Variants in NRXN3 observed in about 807,000 individuals in gnomAD.
NRXN3 encodes the protein neurexin 3.
NRXN3 carries 32 observed loss-of-function variants against 137.6 expected under a neutral mutation model. The ratio of observed to expected loss-of-function variants is 0.23; its 90% CI spans 0.18 to 0.31. The LOEUF is 0.31. NRXN3 is among the 10% of genes least tolerant of loss of function. The pLI is 1.00. For synonymous variants in NRXN3, 798 were observed against 784.5 expected, an observed-to-expected ratio of 1.02 and a Z score of -0.29; for missense variants, 1,574 against 2,062.5, an observed-to-expected ratio of 0.76 and a Z score of 4.59.
intron 4 of NRXN3, among the ~76,000 whole-genome samples, chr14:78,573,964 A>G (rs886100861): frequency 1.3e-5 from 2 of 152,238 alleles, no homozygotes; most frequent in Admixed American, 1.3e-4. Flanking sequence ...GATTGGGCCC[A>G]GGGCCTTGCT....
At chr14:78,725,052 A>T (rs1482174609) in intron 8 of NRXN3, among the ~76,000 whole-genome samples, 1 of 152,194 alleles carries the variant, frequency 6.6e-6, no homozygotes, top group Non-Finnish European at 1.5e-5. Context: ...AGACACTCTT[A>T]TCAAAATGAC....
chr14:79,226,007 C>G (rs903427098), intron 15 of NRXN3, among the ~76,000 whole-genome samples: 3 of 152,120 alleles, frequency 2.0e-5, no homozygotes. Flanking sequence ...TCCCTTTCTT[C>G]AGGTTGGCTG....
rs947314187 is a variant in NRXN3 at position 79,507,765 on chromosome 14, T to A, written c.3444+40363T>A. On this transcript the variant is annotated intron_variant, in intron 16 of 20. Coordinates refer to ENST00000335750, the MANE Select transcript of NRXN3 (RefSeq NM_001330195.2). ...TATAGATGAGATCTTTCTTTTGGGA[T>A]AAAGAGCTATTCTCAACTTGACTAT... Among the ~76,000 whole-genome samples, 65 of 152,190 alleles carry A rather than the reference T, an allele frequency of 4.3e-4. 1 individual carries two copies. The highest frequency in any genetic ancestry group is 1.3e-4 in the Non-Finnish European group (9 of 68,034).
intron 15 of NRXN3, among the ~76,000 whole-genome samples, chr14:79,112,337 G>A (rs962124744): frequency 7.2e-5 from 11 of 152,206 alleles, no homozygotes; most frequent in African/African-American, 2.4e-4. Flanking sequence ...GGAGTGGACT[G>A]CTGAGAGAAG....
At chr14:78,822,008 T>C (rs2098952241) in intron 10 of NRXN3, among the ~76,000 whole-genome samples, 1 of 152,172 alleles carries the variant, frequency 6.6e-6, no homozygotes. Context: ...ACATATCTGA[T>C]AGAAAACACA....
chr14:79,027,566 C>T (rs566078806), intron 15 of NRXN3, among the ~76,000 whole-genome samples: 175 of 152,170 alleles, frequency 1.2e-3, no homozygotes, highest in African/African-American at 4.0e-3. Context: ...AGTTAGCTGT[C>T]GCTTGCCTGA....
At chr14:79,168,845 T>G (rs2061521693) in intron 15 of NRXN3, among the ~76,000 whole-genome samples, 2 of 152,112 alleles carry the variant, frequency 1.3e-5, no homozygotes, top group Admixed American at 1.3e-4. Context: ...CCTAAATTTA[T>G]AGTATGTGGT....
chr14:79,225,799 C>A (rs912793576), intron 15 of NRXN3, among the ~76,000 whole-genome samples: 2 of 152,064 alleles, frequency 1.3e-5, no homozygotes, highest in Non-Finnish European at 2.9e-5. Flanking sequence ...AATTTAATTT[C>A]TTGTGGTTGA....
intron 15 of NRXN3, among the ~76,000 whole-genome samples, chr14:79,057,579 G>A (rs2099667456): frequency 6.6e-6 from 1 of 152,184 alleles, no homozygotes. Context: ...ATTTTAGAAT[G>A]AGCTATAGCA....
At chr14:78,583,496 T>C (rs1377430873) in intron 4 of NRXN3, among the ~76,000 whole-genome samples, 1 of 151,838 alleles carries the variant, frequency 6.6e-6, no homozygotes, top group Non-Finnish European at 1.5e-5. Context: ...TCTCAACTTA[T>C]TAAATGTACT....
At chr14:79,567,904 G>C (rs993779745) in intron 16 of NRXN3, among the ~76,000 whole-genome samples, 1 of 152,090 alleles carries the variant, frequency 6.6e-6, no homozygotes, top group African/African-American at 2.4e-5. Flanking sequence ...AGATAGACCA[G>C]GGTTTTCAGT....
intron 20 of NRXN3, among the ~76,000 whole-genome samples, chr14:79,825,206 C>CTTTTTTTTT (rs11449914): frequency 1.7e-5 from 2 of 117,820 alleles, no homozygotes; most frequent in Non-Finnish European, 3.4e-5. Flanking sequence ...TCTTTGTGTG[C>CTTTTTTTTT]TTTTTTTTTT....
chr14:78,673,210 A>G (rs1288489153), intron 6 of NRXN3, among the ~76,000 whole-genome samples: 2 of 152,226 alleles, frequency 1.3e-5, no homozygotes, highest in Non-Finnish European at 2.9e-5. Flanking sequence ...TGGGATTGGC[A>G]GTGACAAAAG....
chr14:79,294,255 A>G (rs2083664456), intron 15 of NRXN3, among the ~76,000 whole-genome samples: 1 of 152,190 alleles, frequency 6.6e-6, no homozygotes, highest in African/African-American at 2.4e-5. Flanking sequence ...TAAATCAATG[A>G]CTTGGTAAAT....
intron 8 of NRXN3, among the ~76,000 whole-genome samples, chr14:78,800,965 A>G (rs910829484): frequency 6.6e-6 from 1 of 152,176 alleles, no homozygotes. Context: ...ACTACCTTAC[A>G]TGATAACCAT....
intron 16 of NRXN3, among the ~76,000 whole-genome samples, chr14:79,631,498 C>G (rs1555577792): frequency 1.3e-5 from 2 of 152,178 alleles, no homozygotes; most frequent in Non-Finnish European, 2.9e-5. Context: ...CGCTCGCTGG[C>G]AGGCAAGGGT....
intron 15 of NRXN3, among the ~76,000 whole-genome samples, chr14:79,446,255 C>G (rs1418711058): frequency 6.6e-6 from 1 of 152,216 alleles, no homozygotes; most frequent in African/African-American, 2.4e-5. Flanking sequence ...TGTTGTTTCT[C>G]AGCCCTGATG....
intron 1 of NRXN3, among the ~76,000 whole-genome samples, chr14:78,209,182 G>C (rs2062496647): frequency 6.6e-6 from 1 of 152,218 alleles, no homozygotes; most frequent in Admixed American, 6.5e-5. Context: ...TTGCTTGGGA[G>C]ATGTGGCTGG....
chr14:78,872,584 TAACA>T (rs1390732892), intron 10 of NRXN3, among the ~76,000 whole-genome samples: 1 of 152,064 alleles, frequency 6.6e-6, no homozygotes, highest in Non-Finnish European at 1.5e-5. Flanking sequence ...AATAAAACTC[TAACA>T]AACCATTAGA....
Sources: allele counts gnomAD v4.1 joint callset (sites outside exome capture counted in the v4.1 genomes callset), GRCh38; gene constraint gnomAD v4.1.1; transcripts MANE v1.5; gene names NCBI Gene and HGNC (gene_info 2026-07-23, HGNC 2026-07-21).